The following TCN2 variants were observed in gnomAD, a reference collection of about 807,000 sequenced individuals.
The protein encoded by TCN2 is transcobalamin-2.
TCN2 carries 34 observed loss-of-function variants against 48.6 expected under a neutral mutation model. The observed-to-expected ratio is 0.70, with a 90% confidence interval of 0.53 to 0.93. TCN2 has a LOEUF of 0.93. Among genes scored for constraint, TCN2 ranks in the 40% least tolerant of loss-of-function variants. TCN2 has a pLI of 0.00. For missense variants in TCN2, 652 were observed against 526.1 expected (o/e 1.24, Z -2.34); for synonymous variants, 283 against 212.5 (o/e 1.33, Z -2.89).
chr22:30,623,945 C>CATATATGTAT (rs1321160056), intron 8 of TCN2, among the ~76,000 whole-genome samples: 7,065 of 31,542 alleles, frequency 0.22, 2,723 homozygotes, highest in Middle Eastern at 0.39. Flanking sequence ...TATACACACA[C>CATATATGTAT]ACATATGTAT....
intron 8 of TCN2, among the ~76,000 whole-genome samples, chr22:30,625,251 T>TCC: frequency 6.6e-6 from 1 of 152,158 alleles, no homozygotes; most frequent in South Asian, 2.1e-4. Flanking sequence ...ATGTATTTCT[T>TCC]AACAGTTCTG....
chr22:30,624,012 A>ATATACACACATATATATGTATACG (rs2087762414), intron 8 of TCN2, among the ~76,000 whole-genome samples: 1 of 83,430 alleles, frequency 1.2e-5, no homozygotes, highest in Non-Finnish European at 2.2e-5. Context: ...ATATGTATAC[A>ATATACACACATATATATGTATACG]TATATACACA....
chr22:30,624,003 T>TATGTATACATATATACACACATATAC lies in TCN2; in HGVS notation c.1222+945_1222+946insCATGTATACATATATACACACATATA, dbSNP rs2087761953. Among the ~76,000 whole-genome samples, 3 of 116,424 alleles carry TATGTATACATATATACACACATATAC rather than the reference T, an allele frequency of 2.6e-5. 1 individual carries two copies. Among genetic ancestry groups the TATGTATACATATATACACACATATAC allele is most frequent in the Non-Finnish European group, 5.2e-5 (3 of 57,388 alleles). The allele number at this position is 116,424 out of a possible 152,430, so 76.4% of individuals were successfully genotyped here. ...ATGTATACATATATACACACATATA[T>TATGTATACATATATACACACATATAC]ATGTATACATATATACACACATATA... On this transcript the variant is annotated intron_variant, in intron 8 of 8. Coordinates refer to ENST00000215838, the MANE Select transcript of TCN2 (RefSeq NM_000355.4).
Position 30,615,643 on chromosome 22 carries a change from G to T in TCN2, c.796G>T (p.Ala266Ser). Residue 266 changes from alanine to serine, a missense_variant, in exon 6 of 9, where the codon GCA (alanine) becomes TCA (serine). By Grantham distance (99) the Ala-to-Ser change is moderately conservative. Transcript: ENST00000215838. Reference protein sequence around the residue: ...SPMRGAELGTACLKARVALLA... With the variant: ...SPMRGAELGTSCLKARVALLA... The stretch of plus-strand genomic sequence containing the variant: ...CATGCGTGGGGCAGAACTGGGAACA[G>T]CATGTCTCAAGGCGAGGGTTGCTTT... The T allele has an allele frequency of 6.2e-7, 1 of 1,614,176 alleles. No homozygotes were observed. Among genetic ancestry groups the T allele is most frequent in the African/African-American group, 1.3e-5 (1 of 75,056 alleles).
intron 4 of TCN2, 88 bp downstream of exon 4, chr22:30,614,589 ACT>A: frequency 1.3e-6 from 2 of 1,563,986 alleles, no homozygotes; most frequent in Non-Finnish European, 1.7e-6. Flanking sequence ...TGGCCCCCAC[ACT>A]CACCTTTCCT....
At chr22:30,623,787 T>C (rs372076681) in intron 8 of TCN2, among the ~76,000 whole-genome samples, 91 of 1,922 alleles carry the variant, frequency 0.047, 9 homozygotes, top group South Asian at 0.1. Flanking sequence ...TATATATGTA[T>C]ACATATATAC....
chr22:30,616,787 T>A (rs2087618495), intron 6 of TCN2, among the ~76,000 whole-genome samples: 1 of 152,124 alleles, frequency 6.6e-6, no homozygotes, highest in South Asian at 2.1e-4. Flanking sequence ...GGCGACAGTG[T>A]GAGACTCTGT....
At chr22:30,617,864 A>G in intron 7 of TCN2, 1 of 347,878 alleles carries the variant, frequency 2.9e-6, no homozygotes, top group Non-Finnish European at 5.6e-6. Context: ...TGCTTTTTAT[A>G]TGTGCAAGGT....
At chr22:30,623,677 A>G (rs1022797799) in intron 8 of TCN2, among the ~76,000 whole-genome samples, 2 of 145,790 alleles carry the variant, frequency 1.4e-5, no homozygotes, top group African/African-American at 2.5e-5. Flanking sequence ...AAAATTTCAT[A>G]TATGTGTATA....
chr22:30,612,736 A>G, intron 2 of TCN2, 137 bp from the exon 3 acceptor site: 2 of 1,035,036 alleles, frequency 1.9e-6, no homozygotes, highest in South Asian at 1.4e-5. Context: ...TAGCCAACAC[A>G]CCTCCTTTTG....
chr22:30,620,146 T>C (rs2087676766), intron 7 of TCN2, among the ~76,000 whole-genome samples: 2 of 151,294 alleles, frequency 1.3e-5, no homozygotes, highest in Non-Finnish European at 3.0e-5. Flanking sequence ...GACAAAACTT[T>C]TTTTTTTTTT....
intron 7 of TCN2, among the ~76,000 whole-genome samples, chr22:30,621,384 C>G (rs79508485): frequency 2.6e-5 from 4 of 152,144 alleles, no homozygotes; most frequent in African/African-American, 9.7e-5. Context: ...GTAGAAGATG[C>G]GTTTGTTCAC....
chr22:30,624,939 G>C (rs188659028), intron 8 of TCN2, among the ~76,000 whole-genome samples: 10 of 152,248 alleles, frequency 6.6e-5, no homozygotes, highest in African/African-American at 2.2e-4. Context: ...AAATGAGGCC[G>C]GGTGCGGTGG....
Position 30,610,870 on chromosome 22 carries a change from G to T in TCN2, c.65-1G>T, listed in dbSNP as rs955942535. 1.4e-5 allele frequency: 22 copies of T among 1,614,046 alleles called. No homozygotes were observed. Among genetic ancestry groups the T allele is most frequent in the Admixed American group, 8.3e-5 (5 of 59,996 alleles). ...TCATTTGTACCATTTTCTTTTCTAA[G>T]AAATACCAGAGATGGACAGCCATCT... On this transcript the variant is annotated splice_acceptor_variant, in intron 1 of 8. Transcript: ENST00000215838. LOFTEE classifies it high-confidence loss of function.
In TCN2 at chr22:30,613,101, T is replaced by C. The variant is rs2087565335; in HGVS notation, c.427+59T>C. ...AGCTGGGAGGGCTCATCAGATGATATTCTCCAATGAGAATCAGAACTTTGG... is the reference window on the plus strand; with the variant it reads ...AGCTGGGAGGGCTCATCAGATGATACTCTCCAATGAGAATCAGAACTTTGG... On this transcript the variant is annotated intron_variant, in intron 3 of 8. Coordinates refer to ENST00000215838, the MANE Select transcript of TCN2 (RefSeq NM_000355.4). 5.0e-6 allele frequency: 8 copies of C among 1,593,574 alleles called. No individual in the cohort carries two copies. In the East Asian group the frequency reaches 6.8e-5, roughly 14 times the overall value.
intron 8 of TCN2, 69 bp downstream of exon 8, chr22:30,623,152 A>G: frequency 2.6e-6 from 4 of 1,522,150 alleles, no homozygotes; most frequent in Non-Finnish European, 3.6e-6. Flanking sequence ...GGCTTCATCA[A>G]CTCACCCCAG....
At position 30,617,427 on chromosome 22, in the gene TCN2, C is replaced by A. The variant is rs1414120180; in HGVS notation, c.1038C>A (p.Ser346=). 6.2e-7 allele frequency: 1 copy of A among 1,614,116 alleles called. No individual in the cohort carries two copies. The highest frequency in any genetic ancestry group is 1.1e-5 in the South Asian group (1 of 91,080). The change falls in exon 7 of 9, where the codon TCC becomes TCA. Residue 346 remains serine, a synonymous_variant. Transcript: ENST00000215838. Reference sequence around the variant, plus strand: ...GTCTCTTGCCGCCGTACAGACAGTCCATCTCTGTTCTGGCCGGGTCCACCG... The same window carrying A: ...GTCTCTTGCCGCCGTACAGACAGTCAATCTCTGTTCTGGCCGGGTCCACCG... ...VLSLLPPYRQ[S]ISVLAGSTVE...
In TCN2 at chr22:30,626,730, G is replaced by A. The variant is rs146450057; in HGVS notation, c.*209G>A. The A allele has an allele frequency of 1.9e-5, 12 of 637,974 alleles. No individual in the cohort carries two copies. The African/African-American group carries it at 2.0e-4, about 11-fold the overall frequency. 39.5% of individuals were successfully genotyped at this position (637,974 alleles called of 1,614,324 possible). ...GCAGAGAGCCAAGCATCTTCCCTGG[G>A]AAGTCTTTCTGGCCAAGTCTGGCCA... On this transcript the variant is annotated 3_prime_UTR_variant, in exon 9 of 9. Transcript: ENST00000215838.
chr22:30,623,114 C>T (rs544141211), intron 8 of TCN2, 31 bp downstream of exon 8: 293 of 1,609,290 alleles, frequency 1.8e-4, no homozygotes, highest in Non-Finnish European at 1.9e-4. Flanking sequence ...CTGGATGTGT[C>T]CCCTACCCCA....
Sources: gnomAD v4.1 joint callset for allele counts (sites outside exome capture counted in the v4.1 genomes callset) on GRCh38, gnomAD v4.1.1 for gene constraint, MANE v1.5 for transcripts, NCBI Gene and HGNC (gene_info 2026-07-23, HGNC 2026-07-21) for gene names.